ATL1: variants seen among roughly 807,000 people sequenced by gnomAD.
ATL1 encodes the protein atlastin-1.
In ATL1, 31 loss-of-function variants were observed where a neutral mutation model predicts 75.5. The observed-to-expected ratio is 0.41, with a 90% confidence interval of 0.31 to 0.55. The LOEUF (loss-of-function observed/expected upper bound fraction) is 0.55, where lower values mean the gene tolerates loss of function less well. ATL1 is among the 20% of genes least tolerant of loss of function. The pLI, the probability that ATL1 is intolerant of heterozygous loss-of-function variation, is 0.27. For missense variants in ATL1, 405 were observed against 662.6 expected (o/e 0.61, Z 4.27); for synonymous variants, 226 against 233.3 (o/e 0.97, Z 0.28).
intron 1 of ATL1, among the ~76,000 whole-genome samples, chr14:50,571,584 A>G (rs1193690567): frequency 6.6e-6 from 1 of 152,150 alleles, no homozygotes; most frequent in Non-Finnish European, 1.5e-5. Flanking sequence ...CATTCAAATA[A>G]TTATATGGTT....
chr14:50,605,537 A>C (rs1566728646), intron 6 of ATL1, among the ~76,000 whole-genome samples: 1 of 151,940 alleles, frequency 6.6e-6, no homozygotes, highest in Non-Finnish European at 1.5e-5. Flanking sequence ...TCAATTTTTA[A>C]AGTTTCCTGT....
chr14:50,610,097 G>C (rs2039349817), intron 6 of ATL1, among the ~76,000 whole-genome samples: 1 of 151,812 alleles, frequency 6.6e-6, no homozygotes, highest in Non-Finnish European at 1.5e-5. Context: ...CGCATAATGA[G>C]AGCCCCTTAA....
intron 1 of ATL1, chr14:50,533,515 A>G (rs1185984560): frequency 6.6e-6 from 1 of 152,170 alleles, no homozygotes; most frequent in Non-Finnish European, 1.5e-5. Flanking sequence ...TTTGGCTGAT[A>G]TTTCACAAGC....
chr14:50,614,246 T>C, intron 7 of ATL1, 127 bp from the exon 8 acceptor site: 1 of 1,039,258 alleles, frequency 9.6e-7, no homozygotes, highest in Non-Finnish European at 1.5e-6. Context: ...CTTTCTTTAG[T>C]AGCAGCCCTG....
exon 1 of ATL1, chr14:50,533,173 A>G (rs115184428): frequency 3.4e-4 from 52 of 152,410 alleles, no homozygotes; most frequent in African/African-American, 1.2e-3. Context: ...GGACTGCTCA[A>G]TGACCTTTGT....
At chr14:50,627,847 C>T (rs1296034178) in intron 11 of ATL1, among the ~76,000 whole-genome samples, 184 bp from the exon 12 acceptor site, 1 of 152,082 alleles carries the variant, frequency 6.6e-6, no homozygotes, top group Non-Finnish European at 1.5e-5. Context: ...CTATAAAATA[C>T]CAGTCCCATT....
intron 6 of ATL1, among the ~76,000 whole-genome samples, chr14:50,611,853 G>A (rs2039369193): frequency 6.6e-6 from 1 of 152,072 alleles, no homozygotes; most frequent in Non-Finnish European, 1.5e-5. Flanking sequence ...TTGGAAAATG[G>A]ACAATATCAA....
chr14:50,534,700 C>G (rs2038471324), intron 1 of ATL1, among the ~76,000 whole-genome samples: 1 of 152,206 alleles, frequency 6.6e-6, no homozygotes, highest in African/African-American at 2.4e-5. Flanking sequence ...AAAGTCGAGA[C>G]TCTATGTGTC....
upstream of ATL1, chr14:50,559,890 G>A: frequency 3.1e-6 from 1 of 319,966 alleles, no homozygotes; most frequent in South Asian, 3.5e-5. Flanking sequence ...ATCGGTTTGT[G>A]TATTTCTGAT....
chr14:50,533,264 G>A (rs1372084380), exon 1 of ATL1: 2 of 152,162 alleles, frequency 1.3e-5, no homozygotes, highest in South Asian at 2.1e-4. Context: ...TAAAACAAAG[G>A]GGTCACAGAC....
intron 1 of ATL1, among the ~76,000 whole-genome samples, chr14:50,541,226 A>G (rs1299602701): frequency 2.0e-5 from 3 of 152,240 alleles, no homozygotes; most frequent in Non-Finnish European, 2.9e-5. Context: ...ATGATAGAGT[A>G]TCATTCCAGA....
intron 8 of ATL1, among the ~76,000 whole-genome samples, chr14:50,618,955 A>G (rs2039440680): frequency 6.6e-6 from 1 of 151,926 alleles, no homozygotes; most frequent in African/African-American, 2.4e-5. Context: ...CAGTGGCACA[A>G]TCTTGGCTCA....
chr14:50,589,494 C>T (rs2039135221), intron 2 of ATL1, among the ~76,000 whole-genome samples: 1 of 152,002 alleles, frequency 6.6e-6, no homozygotes, highest in Non-Finnish European at 1.5e-5. Flanking sequence ...CAGGGAAGGG[C>T]ATATTGTAGG....
At chr14:50,623,372 C>A in intron 11 of ATL1, 124 bp downstream of exon 11, 1 of 709,006 alleles carries the variant, frequency 1.4e-6, no homozygotes, top group Non-Finnish European at 2.5e-6. Flanking sequence ...ACTTTTTCCT[C>A]AGCCTGTATC....
intron 11 of ATL1, among the ~76,000 whole-genome samples, chr14:50,625,901 C>CAAAA (rs201406132): frequency 1.5e-5 from 2 of 131,486 alleles, no homozygotes; most frequent in Non-Finnish European, 1.6e-5. Flanking sequence ...AGACCCGTCT[C>CAAAA]AAAAAAAAAA....
intron 5 of ATL1, 26 bp from the exon 6 acceptor site, chr14:50,595,550 G>A (rs569399148): frequency 6.5e-7 from 1 of 1,536,922 alleles, no homozygotes; most frequent in South Asian, 1.1e-5. Context: ...CTCTGTGTAT[G>A]TGTGTGTGTG....
intron 1 of ATL1, among the ~76,000 whole-genome samples, chr14:50,574,981 T>C (rs1286786406): frequency 8.8e-6 from 1 of 113,218 alleles, no homozygotes; most frequent in Non-Finnish European, 1.8e-5. Flanking sequence ...ATATATTAGC[T>C]TTTACTAGTT....
At chr14:50,554,663 C>G (rs1217838744) in intron 1 of ATL1, among the ~76,000 whole-genome samples, 1 of 152,200 alleles carries the variant, frequency 6.6e-6, no homozygotes, top group Non-Finnish European at 1.5e-5. Flanking sequence ...GGAAAACAAT[C>G]TCATTGCTCA....
At chr14:50,621,282 A>G (rs1056330440) in intron 9 of ATL1, among the ~76,000 whole-genome samples, 11 of 152,216 alleles carry the variant, frequency 7.2e-5, no homozygotes, top group African/African-American at 2.4e-4. Context: ...TACCAACCCA[A>G]TTGTGGACTG....
Sources: allele counts gnomAD v4.1 joint callset (sites outside exome capture counted in the v4.1 genomes callset), GRCh38; gene constraint gnomAD v4.1.1; transcripts MANE v1.5; gene names NCBI Gene and HGNC (gene_info 2026-07-23, HGNC 2026-07-21).